Variants in CACNA1C observed in about 807,000 individuals in gnomAD.
CACNA1C encodes voltage-dependent L-type calcium channel subunit alpha-1C.
Under a neutral mutation model 229.0 loss-of-function variants are expected in CACNA1C, and 30 were observed. The observed-to-expected ratio is 0.13, with a 90% CI of 0.10 to 0.18. The LOEUF (loss-of-function observed/expected upper bound fraction) is 0.18. Ranked by LOEUF, CACNA1C falls within the 10% of genes least tolerant of loss-of-function variation. CACNA1C has a pLI of 1.00. For missense variants in CACNA1C, 1,658 were observed against 2,845.0 expected (o/e 0.58, Z 9.49); for synonymous variants, 1,114 against 1,132.5 (o/e 0.98, Z 0.33).
rs377134343 is a variant in CACNA1C at position 2,504,283 on chromosome 12, G to A, written c.1114-559G>A. Among the ~76,000 whole-genome samples the A allele has an allele frequency of 2.0e-3, 309 of 152,260 alleles. 1 individual carries two copies. Among genetic ancestry groups the A allele is most frequent in the African/African-American group, 7.1e-3 (295 of 41,554 alleles). ...CACAGGAGTTCCTTTGAACATGGGCGATGCCCTGGGTAACACGGGTAACCT... is the reference window on the plus strand; with the variant it reads ...CACAGGAGTTCCTTTGAACATGGGCAATGCCCTGGGTAACACGGGTAACCT... On this transcript the variant is annotated intron_variant, in intron 7 of 46. Coordinates refer to ENST00000399655, the MANE Select transcript of CACNA1C (RefSeq NM_000719.7). This position sits in a 1 kb window ranked among gnomAD's most constrained non-coding sequence, Gnocchi z 6.8.
In CACNA1C at chr12:2,678,033, C is replaced by A; in HGVS notation, c.5091+166C>A. ...TGTCTCCTCACCCCTTTGCCTTTTC[C>A]AAGCCTGACTCCATCCCAAGGCAGG... On this transcript the variant is annotated intron_variant, in intron 41 of 46. Coordinates refer to ENST00000399655, the MANE Select transcript of CACNA1C (RefSeq NM_000719.7). This position sits in a 1 kb window ranked among gnomAD's most constrained non-coding sequence, Gnocchi z 4.1. The A allele has an allele frequency of 1.4e-6, 1 of 731,732 alleles. No individual in the cohort carries two copies. The highest frequency in any genetic ancestry group is 2.2e-6 in the Non-Finnish European group (1 of 459,224). The allele number at this position is 731,732 out of a possible 1,614,324, so 45.3% of individuals were successfully genotyped here.
intron 42 of CACNA1C, chr12:2,682,009 G>A: frequency 6.2e-7 from 1 of 1,611,970 alleles, no homozygotes; most frequent in East Asian, 2.2e-5. Context: ...GGCTCAGCAG[G>A]GACTCAGGCT....
rs140662890 is a variant in CACNA1C, at chr12:2,580,793, G to A, written c.1896-797G>A. ...TCAGGACCGAGCTCCTGCCCACTCA[G>A]AGGACTCGTGCTTTGAGCTGCCCCA... is the stretch of plus-strand genomic sequence containing the variant. On this transcript the variant is annotated intron_variant, in intron 13 of 46. Coordinates refer to ENST00000399655, the MANE Select transcript of CACNA1C (RefSeq NM_000719.7). Among the ~76,000 whole-genome samples, 35 of 152,318 alleles carry A rather than the reference G, an allele frequency of 2.3e-4. 1 individual carries two copies. Among genetic ancestry groups the A allele is most frequent in the African/African-American group, 8.4e-4 (35 of 41,576 alleles).
intron 29 of CACNA1C, chr12:2,614,041 A>G (rs994514153): frequency 6.6e-6 from 1 of 152,240 alleles, no homozygotes; most frequent in Admixed American, 6.5e-5. Context: ...CGGGAGACAT[A>G]CAGACAACCT....
chr12:2,520,207 C>T (rs1000519335), intron 9 of CACNA1C, among the ~76,000 whole-genome samples: 278 of 112,080 alleles, frequency 2.5e-3, no homozygotes, highest in Middle Eastern at 8.8e-3. Context: ...GACCAATGGC[C>T]GTGTGCTTCA....
chr12:2,217,389 TA>T (rs1277259273), intron 3 of CACNA1C: 1 of 152,204 alleles, frequency 6.6e-6, no homozygotes, highest in Non-Finnish European at 1.5e-5. Flanking sequence ...ATTGTACACT[TA>T]AAAATGGTTA....
At chr12:1,977,419 A>C (rs892857213) in intron 1 of CACNA1C, among the ~76,000 whole-genome samples, 1 of 152,222 alleles carries the variant, frequency 6.6e-6, no homozygotes, top group Non-Finnish European at 1.5e-5. Context: ...CACTCCAAGC[A>C]GCGTATCTTC....
intron 3 of CACNA1C, among the ~76,000 whole-genome samples, chr12:2,261,877 A>C (rs149826770): frequency 8.1e-4 from 124 of 152,308 alleles, no homozygotes; most frequent in African/African-American, 2.9e-3. Flanking sequence ...TGCAGTACTA[A>C]TATGGGAATG....
rs1169386380 is a variant in CACNA1C, at chr12:2,215,095, C to T, written c.477+94665C>T. On this transcript the variant is annotated intron_variant, in intron 3 of 46. Coordinates refer to ENST00000399655, the MANE Select transcript of CACNA1C (RefSeq NM_000719.7). This position sits in a 1 kb window ranked among gnomAD's most constrained non-coding sequence, Gnocchi z 5.0. ...CGGGTGTGTCGGAGGGCTCAGCAAA[C>T]GTGTGCTGCATGAGATGGGGAAACG... is the stretch of plus-strand genomic sequence containing the variant. Among the ~76,000 whole-genome samples, 4 of 152,126 alleles carry T rather than the reference C, an allele frequency of 2.6e-5. No individual in the cohort carries two copies. The highest frequency in any genetic ancestry group is 6.5e-5 in the Admixed American group (1 of 15,278).
chr12:2,368,289 T>C (rs2097771412), intron 3 of CACNA1C, among the ~76,000 whole-genome samples: 2 of 152,182 alleles, frequency 1.3e-5, no homozygotes, highest in South Asian at 2.1e-4. Context: ...CCAGTCAGCG[T>C]TGTGAAAGGT....
At chr12:2,235,528 A>G (rs1289734051) in intron 3 of CACNA1C, among the ~76,000 whole-genome samples, 1 of 152,228 alleles carries the variant, frequency 6.6e-6, no homozygotes, top group Non-Finnish European at 1.5e-5. Context: ...TATTTCTGGT[A>G]GATGAGGAGA....
At chr12:2,652,972 G>A (rs993883105) in intron 32 of CACNA1C, among the ~76,000 whole-genome samples, 3 of 152,238 alleles carry the variant, frequency 2.0e-5, no homozygotes, top group African/African-American at 7.2e-5. Flanking sequence ...CAGGCGTTCG[G>A]GCCAGGCAGC....
Position 2,688,563 on chromosome 12 carries a change from G to T in CACNA1C, c.5901G>T (p.Gln1967His). 1 of 1,613,952 alleles carries T rather than the reference G, an allele frequency of 6.2e-7. No individual in the cohort carries two copies. The highest frequency in any genetic ancestry group is 8.5e-7 in the Non-Finnish European group (1 of 1,179,876). The change falls in exon 46 of 47, where the codon CAG becomes CAT. Residue 1967 changes from glutamine (Q) to histidine (H), a missense_variant. This residue lies in a region of CACNA1C where 590 missense variants were observed against 700.8 expected (regional missense o/e 0.84). Transcript: ENST00000399655. ...ATPGSRGWPP[Q>H]PVPTLRLEGV... The stretch of plus-strand genomic sequence containing the variant: ...CTGGCAGCCGAGGCTGGCCCCCACA[G>T]CCCGTCCCCACCCTGCGGCTTGAGG...
In CACNA1C at chr12:2,691,331, A is replaced by G; in HGVS notation, c.*132A>G. On this transcript the variant is annotated 3_prime_UTR_variant, in exon 47 of 47. Coordinates refer to ENST00000399655, the MANE Select transcript of CACNA1C (RefSeq NM_000719.7). ...GTCTTCATTCATTTCTGTTGGGACC[A>G]GACGCGGAGCCTGGGTGCGCGAGCC... The G allele has an allele frequency of 1.0e-6, 1 of 988,426 alleles. No homozygotes were observed. The highest frequency in any genetic ancestry group is 1.3e-6 in the Non-Finnish European group (1 of 741,238). 61.2% of individuals were successfully genotyped at this position (988,426 alleles called of 1,614,324 possible).
chr12:2,023,794 G>A (rs919274027), intron 1 of CACNA1C, among the ~76,000 whole-genome samples: 2 of 152,204 alleles, frequency 1.3e-5, no homozygotes, highest in Non-Finnish European at 2.9e-5. Context: ...AAGGACAGAT[G>A]TAACATGGAA....
upstream of CACNA1C, chr12:2,048,677 A>T (rs1001683639): frequency 1.3e-5 from 2 of 152,336 alleles, 1 homozygote; most frequent in Admixed American, 1.3e-4. Context: ...GAGGGAGAGA[A>T]ATAGAAGGGA....
chr12:2,466,087 C>T (rs982255018), intron 5 of CACNA1C, among the ~76,000 whole-genome samples: 1 of 152,268 alleles, frequency 6.6e-6, no homozygotes. Flanking sequence ...TGGGTTCTCC[C>T]CTCCTGGGGA....
chr12:2,357,077 T>C (rs1261959248), intron 3 of CACNA1C, among the ~76,000 whole-genome samples: 2 of 152,236 alleles, frequency 1.3e-5, no homozygotes, highest in Admixed American at 1.3e-4. Context: ...ATGCTTGCAA[T>C]ATGCGCAGTC....
chr12:2,265,517 T>C (rs1566767857), intron 3 of CACNA1C, among the ~76,000 whole-genome samples: 4 of 152,130 alleles, frequency 2.6e-5, no homozygotes. Context: ...CCTATCTCAT[T>C]CTCCTCCCAC....
Sources: gnomAD v4.1 joint callset for allele counts (sites outside exome capture counted in the v4.1 genomes callset) on GRCh38, gnomAD v4.1.1 for gene constraint, gnomAD v4.1.1 regional missense constraint, Gnocchi (gnomAD v3.1) non-coding constraint, MANE v1.5 for transcripts, NCBI Gene and HGNC (gene_info 2026-07-23, HGNC 2026-07-21) for gene names.